The following SOX6 variants were observed in gnomAD, a reference collection of about 807,000 sequenced individuals.
SOX6 encodes the protein SRY-box transcription factor 6, also known as transcription factor SOX-6.
A neutral mutation model predicts 97.8 loss-of-function variants in SOX6; 11 were observed. That is an observed-to-expected ratio of 0.11 (90% CI 0.07 to 0.19). The LOEUF (loss-of-function observed/expected upper bound fraction) is 0.19, where lower values mean the gene tolerates loss of function less well. Ranked by LOEUF, SOX6 falls within the 10% of genes least tolerant of loss-of-function variation. The pLI, the probability that SOX6 is intolerant of heterozygous loss-of-function variation, is 1.00. For synonymous variants in SOX6, 360 were observed against 371.4 expected (o/e 0.97, Z 0.35); for missense variants, 810 against 1,039.5 (o/e 0.78, Z 3.04).
intron 4 of SOX6, among the ~76,000 whole-genome samples, chr11:16,602,883 T>C (rs1266094963): frequency 1.3e-5 from 2 of 151,978 alleles, no homozygotes; most frequent in Non-Finnish European, 2.9e-5. Flanking sequence ...TAGCTGGGCG[T>C]GGTGGCGTGT....
At chr11:16,662,304 GT>G (rs144754287) in intron 3 of SOX6, among the ~76,000 whole-genome samples, 2 of 152,132 alleles carry the variant, frequency 1.3e-5, no homozygotes, top group Non-Finnish European at 2.9e-5. Flanking sequence ...AGTTGGTAGA[GT>G]TTTTTCTTTC....
rs1177479464 is a variant in SOX6, at chr11:16,218,537, C to G, written c.535+16045G>C. On this transcript the variant is annotated intron_variant, in intron 4 of 15. Coordinates refer to ENST00000683767, the MANE Select transcript of SOX6 (RefSeq NM_001367873.1). The stretch of plus-strand genomic sequence containing the variant: ...TTTTGAAGGCTGATAATATTTTACT[C>G]ATAAAAATAATTGTGCACCTGTTGT... Among the ~76,000 whole-genome samples, 9 of 152,120 alleles carry G rather than the reference C, an allele frequency of 5.9e-5. No individual in the cohort carries two copies. The East Asian group carries it at 1.7e-3, about 29-fold the overall frequency.
intron 2 of SOX6, among the ~76,000 whole-genome samples, chr11:16,718,937 G>A (rs1329695815): frequency 2.8e-5 from 4 of 144,716 alleles, no homozygotes; most frequent in African/African-American, 1.0e-4. Flanking sequence ...TTGGAGACCA[G>A]CCTGGGCAAC....
chr11:16,181,652 G>A (rs567459755), intron 6 of SOX6, among the ~76,000 whole-genome samples: 34 of 151,508 alleles, frequency 2.2e-4, no homozygotes, highest in Admixed American at 1.4e-3. Flanking sequence ...AGGAGTACGT[G>A]TTTTTCAGCA....
intron 4 of SOX6, among the ~76,000 whole-genome samples, chr11:16,514,327 G>A (rs907229059): frequency 6.6e-6 from 1 of 151,890 alleles, no homozygotes; most frequent in African/African-American, 2.4e-5. Context: ...TATCTATGCA[G>A]TTATTTCACT....
intron 4 of SOX6, among the ~76,000 whole-genome samples, chr11:16,608,147 T>C (rs1335428681): frequency 1.3e-5 from 2 of 151,452 alleles, no homozygotes; most frequent in Non-Finnish European, 1.5e-5. Flanking sequence ...CTATTGGGGC[T>C]AGGGCTGCTG....
intron 3 of SOX6, among the ~76,000 whole-genome samples, chr11:16,274,365 C>T (rs533526078): frequency 1.3e-5 from 2 of 152,118 alleles, no homozygotes; most frequent in South Asian, 2.1e-4. Flanking sequence ...TTTGTCCACC[C>T]ATCCATATGC....
At chr11:16,184,164 C>T (rs1851412344) in intron 5 of SOX6, among the ~76,000 whole-genome samples, 1 of 151,998 alleles carries the variant, frequency 6.6e-6, no homozygotes, top group African/African-American at 2.4e-5. Context: ...AGGAAAACTA[C>T]CCCTTCTATT....
intron 9 of SOX6, among the ~76,000 whole-genome samples, chr11:16,073,089 C>T (rs999029641): frequency 6.6e-6 from 1 of 152,130 alleles, no homozygotes; most frequent in Non-Finnish European, 1.5e-5. Flanking sequence ...CAAACCTGCA[C>T]ATATCAATAT....
Position 16,433,584 on chromosome 11 carries a change from A to G in SOX6, c.-5+42731T>C, listed in dbSNP as rs994204637. Among the ~76,000 whole-genome samples, 53 of 152,090 alleles carry G rather than the reference A, an allele frequency of 3.5e-4. 1 individual carries two copies. The highest frequency in any genetic ancestry group is 1.5e-4 in the Non-Finnish European group (10 of 67,968). The stretch of plus-strand genomic sequence containing the variant: ...TATTAATATATCAGTCCTATAAATA[A>G]CAGCTTCCAATTTAATTATTTTATT... On this transcript the variant is annotated intron_variant, in intron 1 of 15. Transcript: ENST00000396356.
At chr11:15,984,903 T>C (rs1853784695) in intron 15 of SOX6, among the ~76,000 whole-genome samples, 2 of 152,190 alleles carry the variant, frequency 1.3e-5, no homozygotes, top group Admixed American at 6.5e-5. Context: ...TAAAGTACTT[T>C]TAAAAGCGTT....
intron 7 of SOX6, among the ~76,000 whole-genome samples, chr11:16,099,022 T>G (rs536919943): frequency 1.3e-5 from 2 of 151,914 alleles, no homozygotes; most frequent in South Asian, 4.1e-4. Context: ...CTACACAGTC[T>G]CTTTGCATCA....
chr11:15,972,485 C>CA lies in SOX6; in HGVS notation c.*323dup. ...AGTAACTTAAACCTTTATCAACATC[C>CA]AAAAGAAAAAAAAAGTAAGACAAAA... On this transcript the variant is annotated 3_prime_UTR_variant, in exon 16 of 16. Coordinates refer to ENST00000683767, the MANE Select transcript of SOX6 (RefSeq NM_001367873.1). 1 of 336,908 alleles carries CA rather than the reference C, an allele frequency of 3.0e-6. No individual in the cohort carries two copies. The highest frequency in any genetic ancestry group is 5.5e-6 in the Non-Finnish European group (1 of 180,506). 20.9% of individuals were successfully genotyped at this position (336,908 alleles called of 1,614,324 possible).
At chr11:16,317,753 C>A (rs78918158) in intron 3 of SOX6, 1 of 169,084 alleles carries the variant, frequency 5.9e-6, no homozygotes, top group South Asian at 1.5e-4. Flanking sequence ...CATTTTAAGG[C>A]CTAAAATCTG....
At chr11:16,726,548 A>C (rs1848307674) in intron 2 of SOX6, among the ~76,000 whole-genome samples, 1 of 152,264 alleles carries the variant, frequency 6.6e-6, no homozygotes, top group African/African-American at 2.4e-5. Flanking sequence ...CTATTATTTA[A>C]AAAGCCTAAA....
chr11:16,663,820 C>T (rs1233582268), intron 3 of SOX6, among the ~76,000 whole-genome samples: 1 of 152,152 alleles, frequency 6.6e-6, no homozygotes, highest in East Asian at 1.9e-4. Context: ...TTTTGTTATA[C>T]CTTCTTTGAT....
At chr11:16,247,592 G>C (rs1853378077) in intron 3 of SOX6, among the ~76,000 whole-genome samples, 1 of 152,126 alleles carries the variant, frequency 6.6e-6, no homozygotes, top group South Asian at 2.1e-4. Context: ...AGAAGAATGA[G>C]AACTGAGTAA....
At chr11:16,360,831 G>A (rs375925326), upstream of SOX6, among the ~76,000 whole-genome samples, 7 of 151,914 alleles carry the variant, frequency 4.6e-5, no homozygotes, top group East Asian at 5.8e-4. Flanking sequence ...GTGAAACCCC[G>A]TCTCTACTAA....
chr11:16,445,411 A>G (rs1186564452), intron 1 of SOX6, among the ~76,000 whole-genome samples: 3 of 152,160 alleles, frequency 2.0e-5, no homozygotes, highest in African/African-American at 7.2e-5. Flanking sequence ...AAATTGCCCC[A>G]TGATTTGCAT....
Sources: allele counts gnomAD v4.1 joint callset (sites outside exome capture counted in the v4.1 genomes callset), GRCh38; gene constraint gnomAD v4.1.1; transcripts MANE v1.5; gene names NCBI Gene and HGNC (gene_info 2026-07-23, HGNC 2026-07-21).